NAA16: variants seen among roughly 807,000 people sequenced by gnomAD.
The protein encoded by NAA16 is NARG1-like protein.
NAA16 carries 97 observed loss-of-function variants against 110.3 expected under a neutral mutation model. That is an observed-to-expected ratio of 0.88 (90% CI 0.75 to 1.04). The LOEUF is 1.04. Among genes scored for constraint, NAA16 ranks in the 50% least tolerant of loss-of-function variants. The pLI is 0.00. For synonymous variants in NAA16, 372 were observed against 330.6 expected (o/e 1.13, Z -1.36); for missense variants, 1,017 against 1,005.1 (o/e 1.01, Z -0.16).
intron 9 of NAA16, among the ~76,000 whole-genome samples, chr13:41,343,958 C>T (rs2042619743): frequency 2.0e-5 from 3 of 152,192 alleles, no homozygotes; most frequent in South Asian, 4.1e-4. Flanking sequence ...AGGTGTGAAC[C>T]TACACCCACC....
intron 15 of NAA16, among the ~76,000 whole-genome samples, chr13:41,369,572 G>A (rs574105472): frequency 6.6e-6 from 1 of 152,300 alleles, no homozygotes; most frequent in Admixed American, 6.5e-5. Context: ...GAGAATTAAG[G>A]TGGGAGATGG....
chr13:41,350,618 TTG>T (rs201351539), intron 9 of NAA16, among the ~76,000 whole-genome samples: 80,663 of 107,348 alleles, frequency 0.75, 28,041 homozygotes, highest in South Asian at 0.83. Context: ...TTTTTTTTTT[TTG>T]TTTGTTTGTT....
At chr13:41,323,411 C>T (rs976825105) in intron 5 of NAA16, among the ~76,000 whole-genome samples, 27 of 150,194 alleles carry the variant, frequency 1.8e-4, no homozygotes, top group Admixed American at 1.5e-3. Flanking sequence ...AGTGCAGTGG[C>T]ACGATCTCGG....
chr13:41,314,694 A>T (rs992257157), intron 1 of NAA16, among the ~76,000 whole-genome samples: 16 of 152,216 alleles, frequency 1.1e-4, no homozygotes, highest in African/African-American at 3.4e-4. Flanking sequence ...ATGCAGCAGT[A>T]TGTAAAATAG....
intron 9 of NAA16, among the ~76,000 whole-genome samples, chr13:41,353,195 T>G (rs993732072): frequency 2.0e-5 from 3 of 152,182 alleles, no homozygotes; most frequent in African/African-American, 4.8e-5. Flanking sequence ...CCACCTCTGG[T>G]TGCAGTTTTA....
chr13:41,331,883 G>C (rs2042248975), intron 8 of NAA16, among the ~76,000 whole-genome samples: 1 of 152,116 alleles, frequency 6.6e-6, no homozygotes, highest in South Asian at 2.1e-4. Context: ...TTCTCTGTAT[G>C]TAACAAAATA....
At chr13:41,326,796 C>T (rs1232077137) in intron 6 of NAA16, among the ~76,000 whole-genome samples, 2 of 152,150 alleles carry the variant, frequency 1.3e-5, no homozygotes, top group Non-Finnish European at 2.9e-5. Context: ...CCATATATCC[C>T]TGTATACCCA....
At chr13:41,357,417 C>A (rs1458656203) in intron 10 of NAA16, among the ~76,000 whole-genome samples, 1 of 152,232 alleles carries the variant, frequency 6.6e-6, no homozygotes, top group African/African-American at 2.4e-5. Flanking sequence ...TTATAAAGAA[C>A]TTTCCTTCAT....
chr13:41,359,054 TG>T, intron 12 of NAA16, 92 bp downstream of exon 12: 1 of 1,094,306 alleles, frequency 9.1e-7, no homozygotes, highest in Non-Finnish European at 1.3e-6. Flanking sequence ...AGAACTTCAG[TG>T]GAAGTTCATA....
Position 41,328,766 on chromosome 13 carries a change from A to T in NAA16, c.734A>T (p.Glu245Val), listed in dbSNP as rs1846576735. The stretch of plus-strand genomic sequence containing the variant: ...TTGGGAAGATTAAAAGAAGCCAGTG[A>T]AGTGTTCAAAAACTTGATTGATCGA... ...LKLGRLKEAS[E>V]VFKNLIDRNA... is the part of the protein sequence containing the mutation. Residue 245 changes from glutamate (E) to valine (V), a missense_variant, in exon 7 of 20, where the codon GAA (glutamate) becomes GTA (valine). Glu to Val is a moderately radical substitution (Grantham distance 121). Transcript: ENST00000379406. 1 of 1,608,642 alleles carries T rather than the reference A, an allele frequency of 6.2e-7. No individual in the cohort carries two copies. The highest frequency in any genetic ancestry group is 1.1e-5 in the South Asian group (1 of 90,766).
At chr13:41,373,076 G>A (rs1423103170) in intron 17 of NAA16, 7 of 778,110 alleles carry the variant, frequency 9.0e-6, no homozygotes, top group East Asian at 2.5e-4. Flanking sequence ...TTGCAATAAC[G>A]TAAAGCAAAA....
In NAA16 at chr13:41,362,124, G is replaced by A. The variant is rs142345743; in HGVS notation, c.1504G>A (p.Gly502Arg). 22 of 1,606,520 alleles carry A rather than the reference G, an allele frequency of 1.4e-5. No individual in the cohort carries two copies. The highest frequency in any genetic ancestry group is 5.1e-5 in the Admixed American group (3 of 58,384). The change falls in exon 13 of 20, where the codon GGG becomes AGG. Residue 502 changes from glycine (G) to arginine (R), a missense_variant. By Grantham distance (125) the Gly-to-Arg change is moderately radical. Coordinates refer to ENST00000379406, the MANE Select transcript of NAA16 (RefSeq NM_024561.5). ...ISAYQRLGRY[G>R]DALKKCHEVE... is the part of the protein sequence containing the mutation. ...AGCTTATCAGCGTCTGGGGAGATAC[G>A]GGGATGCCTTGAAAAAATGTCATGA...
intron 13 of NAA16, chr13:41,362,501 C>T (rs2043133823): frequency 2.8e-6 from 1 of 360,010 alleles, no homozygotes; most frequent in Admixed American, 4.0e-5. Context: ...TGATGGCAAC[C>T]TCTTTCCCCT....
rs190343457 is a variant in NAA16 at position 41,348,970 on chromosome 13, T to C, written c.1015-6174T>C. 1.7e-3 allele frequency among the ~76,000 whole-genome samples: 253 copies of C among 152,334 alleles called. 1 individual carries two copies. Among genetic ancestry groups the C allele is most frequent in the Non-Finnish European group, 2.2e-3 (151 of 68,036 alleles). ...GTTATTTCTATAAAGTCAGTGGTAATATCCCCTCTTACTGTTTTTGGTTTT... is the reference window on the plus strand; with the variant it reads ...GTTATTTCTATAAAGTCAGTGGTAACATCCCCTCTTACTGTTTTTGGTTTT... On this transcript the variant is annotated intron_variant, in intron 9 of 19. Coordinates refer to ENST00000379406, the MANE Select transcript of NAA16 (RefSeq NM_024561.5).
rs1004056143 is a variant in NAA16 at position 41,373,747 on chromosome 13, C to T, written c.2266C>T (p.Arg756Cys). 11 of 1,610,158 alleles carry T rather than the reference C, an allele frequency of 6.8e-6. No homozygotes were observed. The highest frequency in any genetic ancestry group is 2.2e-5 in the East Asian group (1 of 44,796). Residue 756 changes from arginine to cysteine, a missense_variant, in exon 18 of 20, where the codon CGT becomes TGT. Coordinates refer to ENST00000379406, the MANE Select transcript of NAA16 (RefSeq NM_024561.5). ...LESFNEDFLK[R>C]NATSLQHLLS... The stretch of plus-strand genomic sequence containing the variant: ...AAGTTTTAATGAGGATTTTCTGAAA[C>T]GTAACGCTACCTCTCTTCAGCATCT...
chr13:41,314,544 A>G (rs752765892), intron 1 of NAA16, among the ~76,000 whole-genome samples: 1 of 149,056 alleles, frequency 6.7e-6, no homozygotes, highest in Non-Finnish European at 1.5e-5. Context: ...CTTTTTTTCC[A>G]TGAAGACTTT....
chr13:41,311,534 G>A lies in NAA16; in HGVS notation c.6G>A (p.Pro2=), dbSNP rs1447024863. The change falls in exon 1 of 20, where the codon CCG becomes CCA. Residue 2 remains proline (P), a synonymous_variant. Transcript: ENST00000379406. ...TAGCCTCCCTGCCGGCCACGATGCCGAACGTGCTGCTGCCGCCCAAGGAGA... is the reference window on the plus strand; with the variant it reads ...TAGCCTCCCTGCCGGCCACGATGCCAAACGTGCTGCTGCCGCCCAAGGAGA... M[P]NVLLPPKESN... 1 of 1,604,948 alleles carries A rather than the reference G, an allele frequency of 6.2e-7. No homozygotes were observed. The highest frequency in any genetic ancestry group is 1.1e-5 in the South Asian group (1 of 89,432).
In NAA16 at chr13:41,376,741, A is replaced by T. The variant is rs1303675832; in HGVS notation, c.*1139A>T. On this transcript the variant is annotated 3_prime_UTR_variant, in exon 20 of 20. Transcript: ENST00000379406. ...AACTCATTAGTTTAACTCTTAAAAC[A>T]TAGTGTTGTTAAACAGTATTTTTTG... 2 of 152,230 alleles carry T rather than the reference A, an allele frequency of 1.3e-5. No homozygotes were observed. The highest frequency in any genetic ancestry group is 1.5e-5 in the Non-Finnish European group (1 of 68,028). The allele number at this position is 152,230 out of a possible 1,614,324, so 9.4% of individuals were successfully genotyped here. A position where few individuals can be genotyped will look rare whatever the true frequency, so the allele number is the denominator to read the frequency against.
intron 17 of NAA16, 36 bp from the exon 18 acceptor site, chr13:41,373,601 C>G: frequency 6.6e-7 from 1 of 1,516,808 alleles, no homozygotes; most frequent in Non-Finnish European, 8.8e-7. Context: ...AAGGACAGAT[C>G]AAAAACAAAA....
Sources: allele counts gnomAD v4.1 joint callset (sites outside exome capture counted in the v4.1 genomes callset), GRCh38; gene constraint gnomAD v4.1.1; transcripts MANE v1.5; gene names NCBI Gene and HGNC (gene_info 2026-07-23, HGNC 2026-07-21).